Variants in LTBP1 observed in about 807,000 individuals in gnomAD.
The protein encoded by LTBP1 is latent-transforming growth factor beta-binding protein 1.
Under a neutral mutation model 207.6 loss-of-function variants are expected in LTBP1, and 129 were observed. That is an observed-to-expected ratio of 0.62 (90% CI 0.54 to 0.72). LTBP1 has a LOEUF of 0.72. Ranked by LOEUF, LTBP1 falls within the 30% of genes least tolerant of loss-of-function variation. LTBP1 has a pLI of 0.00. For missense variants in LTBP1, 2,281 were observed against 2,217.2 expected, an observed-to-expected ratio of 1.03 and a Z score of -0.58; for synonymous variants, 963 against 833.7, an observed-to-expected ratio of 1.16 and a Z score of -2.67.
At chr2:33,200,143 A>C (rs1177968187) in intron 7 of LTBP1, among the ~76,000 whole-genome samples, 7 of 152,230 alleles carry the variant, frequency 4.6e-5, no homozygotes, top group Non-Finnish European at 7.3e-5. Flanking sequence ...TTCATATGGA[A>C]CCAAAAAAGA....
At chr2:32,984,208 A>G (rs1466214185) in intron 2 of LTBP1, among the ~76,000 whole-genome samples, 1 of 152,342 alleles carries the variant, frequency 6.6e-6, no homozygotes, top group African/African-American at 2.4e-5. Flanking sequence ...TTGACAGCAC[A>G]AGACTGTCTG....
In LTBP1 at chr2:33,242,685, T is replaced by TAA. The variant is rs200164588; in HGVS notation, c.1877-960_1877-959dup. Among the ~76,000 whole-genome samples, 15 of 138,226 alleles carry TAA rather than the reference T, an allele frequency of 1.1e-4. No individual in the cohort carries two copies. In the East Asian group the frequency reaches 1.9e-3, roughly 18 times the overall value. 90.7% of individuals were successfully genotyped at this position (138,226 alleles called of 152,430 possible). A position where few individuals can be genotyped will look rare whatever the true frequency, so the allele number is the denominator to read the frequency against. On this transcript the variant is annotated intron_variant, in intron 9 of 33. Transcript: ENST00000404816. The stretch of plus-strand genomic sequence containing the variant: ...AGCACCATGCATTTTCAGTTGTTCT[T>TAA]AAAAAAAAAAAAAAAAAAGATTTGT...
chr2:33,013,007 A>G (rs1258844159), intron 2 of LTBP1, among the ~76,000 whole-genome samples: 1 of 152,210 alleles, frequency 6.6e-6, no homozygotes, highest in African/African-American at 2.4e-5. Flanking sequence ...CTAATTTTGA[A>G]TGGCTGTTAA....
chr2:33,150,423 A>C (rs953870840), intron 5 of LTBP1, among the ~76,000 whole-genome samples: 2 of 152,062 alleles, frequency 1.3e-5, no homozygotes, highest in African/African-American at 4.8e-5. Flanking sequence ...CATAACACAA[A>C]ATTTATTATT....
intron 5 of LTBP1, among the ~76,000 whole-genome samples, chr2:33,173,263 C>T (rs868840657): frequency 0.016 from 2,437 of 151,448 alleles, 23 homozygotes; most frequent in East Asian, 0.027. Context: ...GCTAGCAAGA[C>T]TAATAAAGAA....
chr2:33,389,246 G>A lies in LTBP1; in HGVS notation c.4774G>A (p.Ala1592Thr), dbSNP rs780408176. The A allele has an allele frequency of 3.7e-5, 59 of 1,614,046 alleles. No individual in the cohort carries two copies. The highest frequency in any genetic ancestry group is 1.6e-4 in the East Asian group (7 of 44,890). The change falls in exon 32 of 34, where the codon GCC (alanine) becomes ACC (threonine). Residue 1592 changes from alanine to threonine, a missense_variant. Physicochemically the swap from Ala to Thr is moderately conservative, Grantham distance 58 (BLOSUM62 0). Coordinates refer to ENST00000404816, the MANE Select transcript of LTBP1 (RefSeq NM_206943.4). ...ACGCCGGCAGCCATATGGACGGGAC[G>A]CCTTGGTTGACTTCAGTGAACAGTA... ...TGRRQPYGRD[A>T]LVDFSEQYTP...
intron 5 of LTBP1, among the ~76,000 whole-genome samples, chr2:33,182,721 CACACACACACACACAGACATAT>C (rs199892543): frequency 1.1e-5 from 1 of 88,420 alleles, no homozygotes; most frequent in African/African-American, 4.8e-5. Context: ...CACACACACA[CACACACACACACACAGACATAT>C]ATATGTATGT....
intron 23 of LTBP1, among the ~76,000 whole-genome samples, chr2:33,314,023 G>T (rs1447653108): frequency 3.3e-5 from 5 of 152,212 alleles, no homozygotes; most frequent in African/African-American, 1.2e-4. Context: ...AACAGTCCAT[G>T]TGTTATCAGT....
At position 33,275,088 on chromosome 2, in the gene LTBP1, T is replaced by C; in HGVS notation, c.2867T>C (p.Ile956Thr). 2 of 1,613,820 alleles carry C rather than the reference T, an allele frequency of 1.2e-6. No individual in the cohort carries two copies. The highest frequency in any genetic ancestry group is 1.7e-4 in the Middle Eastern group (1 of 6,056). The change falls in exon 17 of 34, where the codon ATA (isoleucine) becomes ACA (threonine). Residue 956 changes from isoleucine (I) to threonine (T), a missense_variant and splice_region_variant. Transcript: ENST00000404816. ...FMASEEGTNC[I>T]DVDECLRPDV... ...GCCAGTGAGGAGGGTACTAACTGCA[T>C]AGGTAATGGCAGCATTCTTCCTGCT...
intron 31 of LTBP1, among the ~76,000 whole-genome samples, chr2:33,385,396 C>G (rs1036834698): frequency 1.3e-5 from 2 of 152,156 alleles, no homozygotes; most frequent in Admixed American, 6.5e-5. Context: ...CATTATAATA[C>G]TGTCTTTAAA....
At chr2:33,065,637 T>G (rs1331087889) in intron 3 of LTBP1, among the ~76,000 whole-genome samples, 1 of 152,186 alleles carries the variant, frequency 6.6e-6, no homozygotes, top group South Asian at 2.1e-4. Context: ...TGTGGACCCT[T>G]TTTAAAGAAT....
At chr2:33,223,468 T>C (rs1351868792) in intron 9 of LTBP1, among the ~76,000 whole-genome samples, 1 of 152,208 alleles carries the variant, frequency 6.6e-6, no homozygotes, top group Non-Finnish European at 1.5e-5. Flanking sequence ...AAACATCTGC[T>C]AAACTTAGTA....
At chr2:33,106,929 G>C (rs1027580265) in intron 3 of LTBP1, among the ~76,000 whole-genome samples, 4 of 152,210 alleles carry the variant, frequency 2.6e-5, no homozygotes, top group African/African-American at 9.7e-5. Flanking sequence ...AGATAACACT[G>C]TTCAGCCCTA....
intron 7 of LTBP1, among the ~76,000 whole-genome samples, chr2:33,214,399 C>T (rs2090531990): frequency 6.6e-6 from 1 of 152,150 alleles, no homozygotes; most frequent in South Asian, 2.1e-4. Flanking sequence ...CTAAGGTTCC[C>T]GTTTGTTCTC....
At chr2:33,070,031 C>T (rs1169332142) in intron 3 of LTBP1, among the ~76,000 whole-genome samples, 3 of 152,184 alleles carry the variant, frequency 2.0e-5, no homozygotes, top group Non-Finnish European at 4.4e-5. Context: ...CCAGTTCTGA[C>T]AAAGGTTTTC....
chr2:33,372,754 C>T (rs1391592544), intron 31 of LTBP1, among the ~76,000 whole-genome samples: 15 of 152,144 alleles, frequency 9.9e-5, no homozygotes, highest in African/African-American at 3.4e-4. Context: ...ATCCTAGCTA[C>T]TCTGGAGACT....
intron 5 of LTBP1, among the ~76,000 whole-genome samples, chr2:33,177,477 C>G (rs1198028223): frequency 6.6e-6 from 1 of 152,064 alleles, no homozygotes; most frequent in Non-Finnish European, 1.5e-5. Context: ...TGGTGAAACC[C>G]TGTTTAGTAC....
At chr2:33,197,812 G>A (rs2088745210) in intron 7 of LTBP1, among the ~76,000 whole-genome samples, 1 of 152,146 alleles carries the variant, frequency 6.6e-6, no homozygotes, top group African/African-American at 2.4e-5. Flanking sequence ...CTGCCTCGTT[G>A]CACAAGCCTG....
intron 5 of LTBP1, among the ~76,000 whole-genome samples, chr2:33,181,899 A>T (rs527814025): frequency 2.0e-4 from 30 of 152,324 alleles, no homozygotes; most frequent in Non-Finnish European, 2.4e-4. Context: ...GAAGGAAACT[A>T]TTCATAGTTG....
Sources: gnomAD v4.1 joint callset for allele counts (sites outside exome capture counted in the v4.1 genomes callset) on GRCh38, gnomAD v4.1.1 for gene constraint, MANE v1.5 for transcripts, NCBI Gene and HGNC (gene_info 2026-07-23, HGNC 2026-07-21) for gene names.